The following GPC4 variants were observed in gnomAD, a reference collection of about 807,000 sequenced individuals.
GPC4 encodes the protein glypican 4.
In GPC4, 10 loss-of-function variants were observed where a neutral mutation model predicts 35.0. The ratio of observed to expected loss-of-function variants is 0.29; its 90% CI spans 0.18 to 0.48. The LOEUF is 0.48. GPC4 is among the 20% of genes least tolerant of loss of function. The probability of loss-of-function intolerance (pLI) is 0.99; values close to 1 mark genes in which losing one functional copy is unlikely to be tolerated. For missense variants in GPC4, 322 were observed against 451.3 expected (o/e 0.71, Z 2.60); for synonymous variants, 167 against 170.2 (o/e 0.98, Z 0.15).
chrX:133,319,570 T>C (rs1334187881), intron 3 of GPC4, among the ~76,000 whole-genome samples: 1 of 109,714 alleles, frequency 9.1e-6, no homozygotes, highest in African/African-American at 3.3e-5. Context: ...AAAGGTCTTT[T>C]TTTCAGGCCC....
chrX:133,310,826 G>A (rs1010685392), intron 4 of GPC4, among the ~76,000 whole-genome samples: 1 of 111,530 alleles, frequency 9.0e-6, no homozygotes, highest in African/African-American at 3.3e-5. Context: ...CTTTCAGGCG[G>A]GAAATATCAA....
chrX:133,345,357 T>G (rs2068487944), intron 1 of GPC4, among the ~76,000 whole-genome samples: 2 of 112,534 alleles, frequency 1.8e-5, no homozygotes, highest in Non-Finnish European at 3.7e-5. Flanking sequence ...TCTCTTATGC[T>G]CTGATAAGCT....
chrX:133,388,551 T>C (rs768478153), intron 1 of GPC4, among the ~76,000 whole-genome samples: 1 of 111,322 alleles, frequency 9.0e-6, no homozygotes, highest in South Asian at 3.9e-4. Context: ...TTTTTTTTTT[T>C]TGAAACGGAG....
chrX:133,404,285 C>T lies in GPC4; in HGVS notation c.160+10521G>A, dbSNP rs150781552. 9.3e-3 allele frequency among the ~76,000 whole-genome samples: 1,015 copies of T among 109,335 alleles called. 12 individuals carry two copies. Among genetic ancestry groups the T allele is most frequent in the African/African-American group, 0.033 (974 of 29,838 alleles). 94.9% of individuals were successfully genotyped at this position (109,335 alleles called of 115,157 possible). On this transcript the variant is annotated intron_variant, in intron 1 of 8. Coordinates refer to ENST00000370828, the MANE Select transcript of GPC4 (RefSeq NM_001448.3). ...CAGAGGGGCCAGGTGTGGTGGCTCA[C>T]GCCTGTAACCCCAGCACTTTGGGAG...
intron 3 of GPC4, among the ~76,000 whole-genome samples, chrX:133,317,608 A>G (rs973484317): frequency 6.3e-5 from 7 of 111,726 alleles, no homozygotes; most frequent in Non-Finnish European, 1.3e-4. Context: ...CTAGAAATGC[A>G]TTTCCTTTTA....
chrX:133,377,927 C>G (rs1270551006), intron 1 of GPC4, among the ~76,000 whole-genome samples: 20 of 93,379 alleles, frequency 2.1e-4, no homozygotes, highest in Non-Finnish European at 4.1e-4. Context: ...CAGGCTCTCG[C>G]TCTGTCACCC....
chrX:133,347,716 G>A (rs971111470), intron 1 of GPC4, among the ~76,000 whole-genome samples: 7 of 111,388 alleles, frequency 6.3e-5, no homozygotes, highest in African/African-American at 9.8e-5. Context: ...GGGGGGACGT[G>A]TACATTAATC....
In GPC4 at chrX:133,324,204, C is replaced by A. The variant is rs1209105258; in HGVS notation, c.652G>T (p.Ala218Ser). The change falls in exon 3 of 9, where the codon GCC (alanine) becomes TCC (serine). Residue 218 changes from alanine (A) to serine (S), a missense_variant. This residue lies in a region of GPC4 where 163 missense variants were observed against 277.2 expected (regional missense o/e 0.59). Transcript: ENST00000370828. The stretch of plus-strand genomic sequence containing the variant: ...GCTAAGCCTTGAGCGAAAGTACGGG[C>A]TGCTACAAAAGCACGAGTAACCTGG... The part of the protein sequence containing the change: ...KLQVTRAFVA[A>S]RTFAQGLAVA... The A allele has an allele frequency of 8.3e-7, 1 of 1,209,737 alleles. No homozygotes were observed. Among genetic ancestry groups the A allele is most frequent in the Non-Finnish European group, 1.1e-6 (1 of 895,128 alleles).
chrX:133,408,729 T>C (rs2068799798), intron 1 of GPC4, among the ~76,000 whole-genome samples: 1 of 110,864 alleles, frequency 9.0e-6, no homozygotes, highest in Non-Finnish European at 1.9e-5. Context: ...CGAAACTCTG[T>C]TTCAAAAAAT....
At chrX:133,408,719 C>T (rs779112790) in intron 1 of GPC4, among the ~76,000 whole-genome samples, 4 of 110,241 alleles carry the variant, frequency 3.6e-5, no homozygotes, top group Non-Finnish European at 7.6e-5. Flanking sequence ...GCAACAAGAG[C>T]GAAACTCTGT....
chrX:133,305,546 G>C (rs1430237086), intron 6 of GPC4, among the ~76,000 whole-genome samples: 1 of 111,854 alleles, frequency 8.9e-6, no homozygotes, highest in African/African-American at 3.3e-5. Flanking sequence ...TGAATCTAAA[G>C]AGAAATTTTG....
intron 4 of GPC4, among the ~76,000 whole-genome samples, chrX:133,308,156 C>T (rs1032212599): frequency 3.6e-5 from 4 of 112,047 alleles, no homozygotes; most frequent in African/African-American, 1.3e-4. Context: ...AGCAGCCAGC[C>T]CTGATAAGAA....
At chrX:133,357,694 C>T (rs985651094) in intron 1 of GPC4, among the ~76,000 whole-genome samples, 1 of 111,200 alleles carries the variant, frequency 9.0e-6, no homozygotes, top group Admixed American at 9.6e-5. Flanking sequence ...AGTTCTGTTG[C>T]TTACCAACTG....
chrX:133,365,004 T>C (rs1229112913), intron 1 of GPC4, among the ~76,000 whole-genome samples: 1 of 111,810 alleles, frequency 8.9e-6, no homozygotes, highest in Non-Finnish European at 1.9e-5. Context: ...GCAATTGGCC[T>C]TTCTGGGGGG....
intron 7 of GPC4, 137 bp downstream of exon 7, chrX:133,304,588 T>C: frequency 1.4e-6 from 1 of 701,064 alleles, no homozygotes; most frequent in Non-Finnish European, 2.2e-6. Flanking sequence ...TAAGAACACC[T>C]AGAAGCCTTC....
chrX:133,318,523 A>G (rs1348215459), intron 3 of GPC4, among the ~76,000 whole-genome samples: 1 of 111,986 alleles, frequency 8.9e-6, no homozygotes. Flanking sequence ...AGACATCCCA[A>G]TGGTGAGGCA....
chrX:133,355,372 T>C (rs1247842205), intron 1 of GPC4, among the ~76,000 whole-genome samples: 1 of 112,030 alleles, frequency 8.9e-6, no homozygotes, highest in Admixed American at 9.5e-5. Flanking sequence ...CTTGGTGGTA[T>C]GGGCAAGTAG....
intron 2 of GPC4, among the ~76,000 whole-genome samples, chrX:133,326,034 T>TC (rs1892838917): frequency 9.1e-6 from 1 of 110,172 alleles, no homozygotes; most frequent in Non-Finnish European, 1.9e-5. Context: ...TTTTTTTTTT[T>TC]CTTTGCTTCT....
chrX:133,361,733 T>C (rs146931231), intron 1 of GPC4, among the ~76,000 whole-genome samples: 1,592 of 111,749 alleles, frequency 0.014, 36 homozygotes, highest in African/African-American at 0.049. Context: ...CCCTGAAGGC[T>C]GAAATAATAA....
Sources: allele counts gnomAD v4.1 joint callset (sites outside exome capture counted in the v4.1 genomes callset), GRCh38; gene constraint gnomAD v4.1.1; regional missense constraint gnomAD v4.1.1; transcripts MANE v1.5; gene names NCBI Gene and HGNC (gene_info 2026-07-23, HGNC 2026-07-21).